The following ASTN1 variants were observed in gnomAD, a reference collection of about 807,000 sequenced individuals.
ASTN1 encodes astrotactin 1.
ASTN1 carries 41 observed loss-of-function variants against 140.7 expected under a neutral mutation model. The ratio of observed to expected loss-of-function variants is 0.29; its 90% CI spans 0.23 to 0.38. The LOEUF is 0.38. Among genes scored for constraint, ASTN1 ranks in the 10% least tolerant of loss-of-function variants. The pLI is 1.00. For missense variants in ASTN1, 1,479 were observed against 1,678.8 expected (o/e 0.88, Z 2.08); for synonymous variants, 640 against 652.2 (o/e 0.98, Z 0.29).
chr1:176,864,618 A>T lies in ASTN1; in HGVS notation c.3648-97T>A. On this transcript the variant is annotated intron_variant, in intron 22 of 22. Transcript: ENST00000361833. ...TGTGAGACTCTAAACTTCAAGAGGG[A>T]AGAGTGTGGTGTGTTTTGCTCCCTA... The T allele has an allele frequency of 2.6e-6, 4 of 1,511,230 alleles. No individual in the cohort carries two copies. In the Admixed American group the frequency reaches 8.0e-5, roughly 30 times the overall value. The allele number at this position is 1,511,230 out of a possible 1,614,324, so 93.6% of individuals were successfully genotyped here.
chr1:176,887,626 C>T (rs1339149504), intron 18 of ASTN1, among the ~76,000 whole-genome samples: 1 of 152,174 alleles, frequency 6.6e-6, no homozygotes, highest in East Asian at 1.9e-4. Context: ...TATCTAACTG[C>T]TCCATACAAT....
At chr1:177,068,287 A>C (rs1398692993) in intron 1 of ASTN1, among the ~76,000 whole-genome samples, 2 of 152,194 alleles carry the variant, frequency 1.3e-5, no homozygotes, top group Non-Finnish European at 2.9e-5. Flanking sequence ...TATGTGGAAC[A>C]AAAGCTTTAG....
At chr1:177,042,989 T>C (rs1469218882) in intron 2 of ASTN1, among the ~76,000 whole-genome samples, 1 of 152,242 alleles carries the variant, frequency 6.6e-6, no homozygotes, top group Non-Finnish European at 1.5e-5. Flanking sequence ...GATCATTGGA[T>C]TGGCCAAATA....
At chr1:176,965,130 C>T (rs373448436) in intron 9 of ASTN1, 33 bp downstream of exon 9, 36 of 1,593,638 alleles carry the variant, frequency 2.3e-5, no homozygotes, top group Admixed American at 6.7e-5. Flanking sequence ...GGTTTGCAGA[C>T]GTACATAAGC....
chr1:177,053,636 A>G (rs1677649274), intron 2 of ASTN1, among the ~76,000 whole-genome samples: 1 of 152,262 alleles, frequency 6.6e-6, no homozygotes, highest in African/African-American at 2.4e-5. Context: ...GATTTTAAAA[A>G]ATCAATATGT....
chr1:176,896,435 C>G (rs1321067431), intron 16 of ASTN1, among the ~76,000 whole-genome samples: 1 of 152,142 alleles, frequency 6.6e-6, no homozygotes, highest in African/African-American at 2.4e-5. Flanking sequence ...GGGAGGCTTA[C>G]GCAACCCAGT....
chr1:177,030,254 A>C (rs1225978322), intron 4 of ASTN1, among the ~76,000 whole-genome samples: 1 of 152,250 alleles, frequency 6.6e-6, no homozygotes, highest in African/African-American at 2.4e-5. Context: ...CTCTGCTAAC[A>C]TTTCATGTGT....
intron 16 of ASTN1, among the ~76,000 whole-genome samples, chr1:176,914,658 C>T (rs1402123564): frequency 6.6e-6 from 1 of 152,150 alleles, no homozygotes; most frequent in Non-Finnish European, 1.5e-5. Flanking sequence ...CCGAGTTAAA[C>T]TGAGTCAGGC....
chr1:176,965,264 A>G, intron 8 of ASTN1, 27 bp from the exon 9 acceptor site: 1 of 1,610,374 alleles, frequency 6.2e-7, no homozygotes, highest in Non-Finnish European at 8.5e-7. Flanking sequence ...CATTCAATTA[A>G]ATTCAACTCA....
At chr1:176,942,818 G>GTATATATATA (rs1478728177) in intron 14 of ASTN1, among the ~76,000 whole-genome samples, 8 of 31,954 alleles carry the variant, frequency 2.5e-4, no homozygotes, top group South Asian at 2.4e-3. Flanking sequence ...CTTTGTGTGT[G>GTATATATATA]TGTATATATA....
At chr1:177,076,497 G>C (rs1678919228) in intron 1 of ASTN1, among the ~76,000 whole-genome samples, 1 of 150,962 alleles carries the variant, frequency 6.6e-6, no homozygotes, top group Non-Finnish European at 1.5e-5. Context: ...TTCTCTGCTA[G>C]AGTTGCTTTT....
chr1:177,113,236 G>GCA (rs1558104599), intron 1 of ASTN1, among the ~76,000 whole-genome samples: 2 of 152,046 alleles, frequency 1.3e-5, no homozygotes, highest in Non-Finnish European at 2.9e-5. Context: ...TCCAAACCAG[G>GCA]CACAGACACC....
intron 16 of ASTN1, among the ~76,000 whole-genome samples, chr1:176,912,183 G>C (rs1236961966): frequency 6.6e-6 from 1 of 152,178 alleles, no homozygotes; most frequent in Non-Finnish European, 1.5e-5. Flanking sequence ...TTAATAACAA[G>C]AGCTACCATC....
chr1:177,155,306 G>A lies in ASTN1; in HGVS notation c.283+9088C>T. ...TGTGGATATATTACACCATACATGTGTGAACATTCATTAACTTTAGGGAAC... is the reference window on the plus strand; with the variant it reads ...TGTGGATATATTACACCATACATGTATGAACATTCATTAACTTTAGGGAAC... On this transcript the variant is annotated intron_variant, in intron 1 of 22. Coordinates refer to ENST00000361833, the MANE Select transcript of ASTN1 (RefSeq NM_004319.3). Among the ~76,000 whole-genome samples the A allele has an allele frequency of 1.3e-5, 2 of 152,182 alleles. 1 individual carries two copies. The highest frequency in any genetic ancestry group is 2.9e-5 in the Non-Finnish European group (2 of 68,044).
intron 1 of ASTN1, among the ~76,000 whole-genome samples, chr1:177,081,837 G>C (rs1679195147): frequency 6.6e-6 from 1 of 152,186 alleles, no homozygotes; most frequent in Admixed American, 6.5e-5. Flanking sequence ...GAATAATGTA[G>C]AGTCAAGCTA....
chr1:177,023,688 T>C, intron 6 of ASTN1, 117 bp from the exon 7 acceptor site: 3 of 1,147,196 alleles, frequency 2.6e-6, no homozygotes, highest in Admixed American at 3.6e-5. Context: ...ATCCTAACTC[T>C]CACCATTCCT....
chr1:177,042,780 G>A (rs538005881), intron 2 of ASTN1, among the ~76,000 whole-genome samples: 4 of 152,268 alleles, frequency 2.6e-5, no homozygotes, highest in Admixed American at 1.3e-4. Flanking sequence ...TTTTATGACC[G>A]TGTCACATAG....
At chr1:176,937,333 A>G (rs915046460) in intron 14 of ASTN1, among the ~76,000 whole-genome samples, 1 of 152,232 alleles carries the variant, frequency 6.6e-6, no homozygotes, top group African/African-American at 2.4e-5. Flanking sequence ...GGAACAGCCA[A>G]ATATTGAGTG....
chr1:176,959,400 C>G (rs1672557388), intron 9 of ASTN1, among the ~76,000 whole-genome samples: 1 of 152,106 alleles, frequency 6.6e-6, no homozygotes. Context: ...CATTAGCATG[C>G]TGCTCGTACA....
Sources: gnomAD v4.1 joint callset for allele counts (sites outside exome capture counted in the v4.1 genomes callset) on GRCh38, gnomAD v4.1.1 for gene constraint, MANE v1.5 for transcripts, NCBI Gene and HGNC (gene_info 2026-07-23, HGNC 2026-07-21) for gene names.